Variants in RTL4 observed in about 807,000 individuals in gnomAD.
The protein encoded by RTL4 is retrotransposon Gag like 4, also known as retrotransposon Gag-like protein 4.
Under a neutral mutation model 5.3 loss-of-function variants are expected in RTL4, and 4 were observed. The ratio of observed to expected loss-of-function variants is 0.75; its 90% CI spans 0.37 to 1.72. The LOEUF (loss-of-function observed/expected upper bound fraction) is 1.72. Ranked by LOEUF, RTL4 falls within the 40% of genes most tolerant of loss-of-function variation. The probability of loss-of-function intolerance (pLI) is 0.04; values close to 1 mark genes in which losing one functional copy is unlikely to be tolerated. For synonymous variants in RTL4, 98 were observed against 87.3 expected (o/e 1.12, Z -0.68); for missense variants, 260 against 227.1 (o/e 1.14, Z -0.93).
chrX:112,105,287 A>G, the RTL4 span, among the ~76,000 whole-genome samples: 1 of 111,859 alleles, frequency 8.9e-6, no homozygotes, highest in Non-Finnish European at 1.9e-5. Context: ...TGATTACTAT[A>G]GCTTTATAGC....
the RTL4 span, among the ~76,000 whole-genome samples, chrX:112,352,351 A>G: frequency 9.0e-6 from 1 of 110,814 alleles, no homozygotes; most frequent in African/African-American, 3.3e-5. Context: ...ATATGGAACC[A>G]AAAAAGAGCC....
the RTL4 span, among the ~76,000 whole-genome samples, chrX:112,176,214 G>A: frequency 8.9e-6 from 1 of 111,821 alleles, no homozygotes; most frequent in Non-Finnish European, 1.9e-5. Flanking sequence ...ACTGCTCGAT[G>A]AAATAAAAGA....
At chrX:112,362,717 C>T in the RTL4 span, among the ~76,000 whole-genome samples, 1 of 110,956 alleles carries the variant, frequency 9.0e-6, no homozygotes, top group African/African-American at 3.3e-5. Flanking sequence ...AGGGTCCACA[C>T]AGACTAAGGT....
the RTL4 span, among the ~76,000 whole-genome samples, chrX:112,359,031 C>G: frequency 3.6e-5 from 4 of 111,501 alleles, no homozygotes; most frequent in Non-Finnish European, 7.5e-5. Context: ...TGGAGAGGCA[C>G]ATAACAAATG....
chrX:112,455,391 C>T (rs144545357), exon 1 of RTL4: 36 of 1,209,461 alleles, frequency 3.0e-5, no homozygotes, highest in Non-Finnish European at 3.7e-5. Flanking sequence ...AACATAGTGA[C>T]AGGCCAGAGC....
the RTL4 span, among the ~76,000 whole-genome samples, chrX:112,315,104 A>G: frequency 8.9e-5 from 10 of 111,933 alleles, no homozygotes; most frequent in Non-Finnish European, 1.9e-4. Context: ...GAGAAGCAGA[A>G]AAAAACCTTA....
the RTL4 span, among the ~76,000 whole-genome samples, chrX:112,236,435 ATCTATATC>A: frequency 1.3e-5 from 1 of 78,589 alleles, no homozygotes; most frequent in Non-Finnish European, 2.3e-5. Context: ...ATAGATATAG[ATCTATATC>A]TATATATAGA....
At chrX:112,353,993 A>G in the RTL4 span, among the ~76,000 whole-genome samples, 1 of 111,181 alleles carries the variant, frequency 9.0e-6, no homozygotes, top group Non-Finnish European at 1.9e-5. Flanking sequence ...TCTGACTACT[A>G]CCTTTGCAGC....
chrX:112,417,530 C>G, the RTL4 span, among the ~76,000 whole-genome samples: 867 of 111,618 alleles, frequency 7.8e-3, 4 homozygotes, highest in South Asian at 0.03. Flanking sequence ...TGCTATCACC[C>G]AAAAAATCCA....
At chrX:112,262,520 C>G in the RTL4 span, among the ~76,000 whole-genome samples, 18 of 111,838 alleles carry the variant, frequency 1.6e-4, no homozygotes, top group Admixed American at 1.6e-3. Context: ...GTTACAATGG[C>G]GATTATTAAA....
At chrX:112,112,605 T>G in the RTL4 span, among the ~76,000 whole-genome samples, 1 of 112,105 alleles carries the variant, frequency 8.9e-6, no homozygotes, top group African/African-American at 3.2e-5. Context: ...CTTGTATCCT[T>G]AATTAGCTAG....
chrX:112,242,900 AG>A, the RTL4 span, among the ~76,000 whole-genome samples: 2 of 111,705 alleles, frequency 1.8e-5, no homozygotes, highest in African/African-American at 3.3e-5. Flanking sequence ...TTCAACATGA[AG>A]GGCTGTTGAA....
chrX:112,149,703 G>A, the RTL4 span, among the ~76,000 whole-genome samples: 1 of 112,326 alleles, frequency 8.9e-6, no homozygotes, highest in Non-Finnish European at 1.9e-5. Flanking sequence ...TATGTGCTAG[G>A]CATTGTGCTA....
the RTL4 span, among the ~76,000 whole-genome samples, chrX:112,124,570 G>A: frequency 9.1e-6 from 1 of 110,200 alleles, no homozygotes; most frequent in East Asian, 2.9e-4. Context: ...AAAATAAGAC[G>A]GGAACAGAAA....
the RTL4 span, among the ~76,000 whole-genome samples, chrX:112,327,677 G>A: frequency 9.1e-6 from 1 of 110,062 alleles, no homozygotes; most frequent in African/African-American, 3.3e-5. Flanking sequence ...TACTCCTCGA[G>A]AAGAGGAACT....
At chrX:112,342,962 G>A in the RTL4 span, among the ~76,000 whole-genome samples, 3 of 111,387 alleles carry the variant, frequency 2.7e-5, no homozygotes, top group South Asian at 1.1e-3. Flanking sequence ...TTAGCCAGGT[G>A]TGGTGGCGTG....
At chrX:112,104,599 G>A in the RTL4 span, among the ~76,000 whole-genome samples, 52 of 112,039 alleles carry the variant, frequency 4.6e-4, no homozygotes, top group African/African-American at 1.6e-3. Context: ...TGTAGCATGT[G>A]TGAGGTAACA....
At chrX:112,398,396 CTTTTTTTTTTT>C in the RTL4 span, among the ~76,000 whole-genome samples, 11 of 72,169 alleles carry the variant, frequency 1.5e-4, 1 homozygote, top group Admixed American at 1.6e-3. Context: ...TTCTTTCTTT[CTTTTTTTTTTT>C]TTTTTTTTTT....
the RTL4 span, among the ~76,000 whole-genome samples, chrX:112,258,675 T>C: frequency 9.0e-6 from 1 of 111,137 alleles, no homozygotes; most frequent in Non-Finnish European, 1.9e-5. Context: ...CTCTTTTATG[T>C]TTAGGATAGC....
Sources: gnomAD v4.1 joint callset for allele counts (sites outside exome capture counted in the v4.1 genomes callset) on GRCh38, gnomAD v4.1.1 for gene constraint, MANE v1.5 for transcripts, NCBI Gene and HGNC (gene_info 2026-07-23, HGNC 2026-07-21) for gene names.